LRRC3B: variants seen among roughly 807,000 people sequenced by gnomAD.
LRRC3B encodes the protein leucine-rich repeat-containing protein 3B.
A neutral mutation model predicts 12.8 loss-of-function variants in LRRC3B; 2 were observed. That is an observed-to-expected ratio of 0.16 (90% CI 0.06 to 0.49). The LOEUF (loss-of-function observed/expected upper bound fraction) is 0.49, where lower values mean the gene tolerates loss of function less well. LRRC3B is among the 20% of genes least tolerant of loss of function. LRRC3B has a pLI of 0.96. For synonymous variants in LRRC3B, 132 were observed against 122.0 expected (o/e 1.08, Z -0.54); for missense variants, 189 against 319.4 (o/e 0.59, Z 3.11).
chr3:26,679,179 A>G (rs989115900), intron 1 of LRRC3B, among the ~76,000 whole-genome samples: 17 of 152,204 alleles, frequency 1.1e-4, no homozygotes, highest in Non-Finnish European at 2.2e-4. Flanking sequence ...TGATCTGTCA[A>G]CTGGGTGCTT....
chr3:26,693,986 T>C (rs947654139), intron 1 of LRRC3B, among the ~76,000 whole-genome samples: 1 of 152,192 alleles, frequency 6.6e-6, no homozygotes, highest in Admixed American at 6.5e-5. Context: ...GTGATAACTA[T>C]TGATTATTAA....
At position 26,705,035 on chromosome 3, in the gene LRRC3B, G is replaced by A. The variant is rs559470892; in HGVS notation, c.-160-4478G>A. Among the ~76,000 whole-genome samples, 203 of 152,230 alleles carry A rather than the reference G, an allele frequency of 1.3e-3. 4 individuals carry two copies. The highest frequency in any genetic ancestry group is 1.2e-3 in the East Asian group (6 of 5,178). On this transcript the variant is annotated intron_variant, in intron 1 of 1. Coordinates refer to ENST00000396641, the Ensembl canonical transcript of LRRC3B. ...TGAGTTGGTACGCTCACTTATCTCA[G>A]AAGGGTTAATAAAAGCTTTTGGGTT...
chr3:26,687,541 G>A (rs1471345722), intron 1 of LRRC3B, among the ~76,000 whole-genome samples: 1 of 152,148 alleles, frequency 6.6e-6, no homozygotes, highest in Admixed American at 6.5e-5. Context: ...AGAAGCTACT[G>A]TTAGAGGGAG....
chr3:26,641,527 C>T (rs899478183), intron 1 of LRRC3B, among the ~76,000 whole-genome samples: 2 of 152,120 alleles, frequency 1.3e-5, no homozygotes, highest in Non-Finnish European at 2.9e-5. Flanking sequence ...GAAACATGTT[C>T]CCACGTAGCT....
At chr3:26,668,966 G>C (rs979472554) in intron 1 of LRRC3B, among the ~76,000 whole-genome samples, 1 of 152,068 alleles carries the variant, frequency 6.6e-6, no homozygotes, top group Non-Finnish European at 1.5e-5. Context: ...TGCTTACAAG[G>C]GTCCTCAAAT....
chr3:26,629,510 C>T (rs1319177008), intron 1 of LRRC3B, among the ~76,000 whole-genome samples: 1 of 152,156 alleles, frequency 6.6e-6, no homozygotes, highest in East Asian at 1.9e-4. Context: ...AGAGGGCTCC[C>T]CCTGTTAGCG....
intron 1 of LRRC3B, among the ~76,000 whole-genome samples, chr3:26,686,579 C>T (rs1256562614): frequency 1.3e-5 from 2 of 151,924 alleles, no homozygotes; most frequent in Admixed American, 1.3e-4. Flanking sequence ...ATATACCAAC[C>T]TCATTGAAAA....
intron 1 of LRRC3B, among the ~76,000 whole-genome samples, chr3:26,642,553 T>C (rs1575120282): frequency 6.6e-6 from 1 of 152,110 alleles, no homozygotes; most frequent in African/African-American, 2.4e-5. Context: ...GCCAAATGAA[T>C]AGCTGGATGT....
intron 1 of LRRC3B, among the ~76,000 whole-genome samples, chr3:26,690,779 G>A (rs1700172861): frequency 1.3e-5 from 2 of 151,928 alleles, no homozygotes; most frequent in African/African-American, 2.4e-5. Flanking sequence ...ATAACAGAGA[G>A]GCAAGAACAT....
intron 1 of LRRC3B, among the ~76,000 whole-genome samples, chr3:26,669,359 G>C (rs1307558271): frequency 6.6e-6 from 1 of 152,120 alleles, no homozygotes; most frequent in Non-Finnish European, 1.5e-5. Context: ...TTACGATGGA[G>C]TGAACTGATT....
At chr3:26,696,684 T>G (rs1369218893) in intron 1 of LRRC3B, among the ~76,000 whole-genome samples, 2 of 152,216 alleles carry the variant, frequency 1.3e-5, no homozygotes, top group Non-Finnish European at 2.9e-5. Context: ...ATACTAACTA[T>G]CCTGTTCCAC....
rs1391690123 is a variant in LRRC3B at position 26,672,396 on chromosome 3, A to AGAGAT, written c.-160-37116_-160-37112dup. ...GCTTAGTAAGACTTGGTTTTGATGC[A>AGAGAT]GAGATATGAAAATATCTCCTCATAA... On this transcript the variant is annotated intron_variant, in intron 1 of 1. Transcript: ENST00000396641. Among the ~76,000 whole-genome samples, 5 of 152,292 alleles carry AGAGAT rather than the reference A, an allele frequency of 3.3e-5. No homozygotes were observed. In the East Asian group the frequency reaches 9.6e-4, roughly 29 times the overall value.
intron 1 of LRRC3B, among the ~76,000 whole-genome samples, chr3:26,671,358 A>ATATATATATATATATATATG (rs1699730270): frequency 2.9e-5 from 2 of 69,200 alleles, no homozygotes; most frequent in African/African-American, 1.2e-4. Context: ...GTGTATATAT[A>ATATATATATATATATATATG]TATATATATA....
chr3:26,628,263 G>A (rs1384010469), intron 1 of LRRC3B, among the ~76,000 whole-genome samples: 2 of 151,918 alleles, frequency 1.3e-5, no homozygotes, highest in Admixed American at 1.3e-4. Context: ...AGAACACAAT[G>A]AATAGATATG....
At chr3:26,637,735 T>G (rs1210900939) in intron 1 of LRRC3B, among the ~76,000 whole-genome samples, 1 of 152,106 alleles carries the variant, frequency 6.6e-6, no homozygotes, top group Non-Finnish European at 1.5e-5. Flanking sequence ...TTTTTAAATT[T>G]AAAAAAGTAC....
chr3:26,649,030 A>T (rs1699211306), intron 1 of LRRC3B, among the ~76,000 whole-genome samples: 1 of 152,246 alleles, frequency 6.6e-6, no homozygotes, highest in African/African-American at 2.4e-5. Flanking sequence ...AATAAATCAC[A>T]AATTAAGTGC....
rs61136255 is a variant in LRRC3B, at chr3:26,679,240, G to A, written c.-160-30273G>A. On this transcript the variant is annotated intron_variant, in intron 1 of 1. Transcript: ENST00000396641. ...TCTTGGTGTGACCGCAACAGCCAGA[G>A]TGATCTTTTCAATATGTAAATCAGT... Among the ~76,000 whole-genome samples, 675 of 152,304 alleles carry A rather than the reference G, an allele frequency of 4.4e-3. 5 individuals are homozygous for A. The highest frequency in any genetic ancestry group is 0.015 in the African/African-American group (640 of 41,568).
chr3:26,682,038 T>C (rs1308504792), intron 1 of LRRC3B, among the ~76,000 whole-genome samples: 1 of 152,066 alleles, frequency 6.6e-6, no homozygotes, highest in East Asian at 1.9e-4. Flanking sequence ...ATAATGATTA[T>C]AAAAATATTC....
intron 1 of LRRC3B, among the ~76,000 whole-genome samples, chr3:26,662,956 A>G (rs1699523971): frequency 6.6e-6 from 1 of 152,102 alleles, no homozygotes; most frequent in African/African-American, 2.4e-5. Context: ...CAGCTGTGTT[A>G]CTCAGGAGGT....
Sources: gnomAD v4.1 joint callset for allele counts (sites outside exome capture counted in the v4.1 genomes callset) on GRCh38, gnomAD v4.1.1 for gene constraint, MANE v1.5 for transcripts, NCBI Gene and HGNC (gene_info 2026-07-23, HGNC 2026-07-21) for gene names.